The following ABHD12 variants were observed in gnomAD, a reference collection of about 807,000 sequenced individuals.
ABHD12 encodes the protein lysophosphatidylserine lipase ABHD12.
ABHD12 carries 43 observed loss-of-function variants against 58.3 expected under a neutral mutation model. The observed-to-expected ratio is 0.74, with a 90% CI of 0.58 to 0.95. The LOEUF (loss-of-function observed/expected upper bound fraction) is 0.95, where lower values mean the gene tolerates loss of function less well. Among genes scored for constraint, ABHD12 ranks in the 40% least tolerant of loss-of-function variants. ABHD12 has a pLI of 0.00. For missense variants in ABHD12, 539 were observed against 537.2 expected, an observed-to-expected ratio of 1.00 and a Z score of -0.03; for synonymous variants, 219 against 211.2, an observed-to-expected ratio of 1.04 and a Z score of -0.32.
chr20:25,371,401 A>C (rs528307959), intron 1 of ABHD12, among the ~76,000 whole-genome samples: 5 of 152,184 alleles, frequency 3.3e-5, no homozygotes, highest in Non-Finnish European at 7.3e-5. Flanking sequence ...TTTAAAAACC[A>C]AAACACCTGG....
In ABHD12 at chr20:25,390,476, G is replaced by GCCCCCCCCCCCCCCC. The variant is rs773039836; in HGVS notation, c.191+36_191+37insGGGGGGGGGGGGGGG. ...ACGCACCTGCGCAAAGTGAGGGACC[G>GCCCCCCCCCCCCCCC]GCCCCCCCCCCCCCCCCGCTCCGCG... is the stretch of plus-strand genomic sequence containing the variant. On this transcript the variant is annotated intron_variant, in intron 1 of 12. Transcript: ENST00000339157. The GCCCCCCCCCCCCCCC allele has an allele frequency of 5.5e-5, 57 of 1,035,020 alleles. 16 individuals are homozygous for GCCCCCCCCCCCCCCC. The East Asian group carries it at 7.7e-4, about 14-fold the overall frequency. 64.1% of individuals were successfully genotyped at this position (1,035,020 alleles called of 1,614,324 possible). A position where few individuals can be genotyped will look rare whatever the true frequency, so the allele number is the denominator to read the frequency against.
At chr20:25,343,146 C>T (rs1382080899) in intron 1 of ABHD12, among the ~76,000 whole-genome samples, 2 of 152,078 alleles carry the variant, frequency 1.3e-5, no homozygotes, top group East Asian at 3.8e-4. Flanking sequence ...ACAAAACCTG[C>T]CAAAACTCAC....
At position 25,390,476 on chromosome 20, in the gene ABHD12, G is replaced by GCCCCCCCCCCCCCCCCCCCCCCCCCCC. The variant is rs773039836; in HGVS notation, c.191+36_191+37insGGGGGGGGGGGGGGGGGGGGGGGGGGG. 224 of 1,034,900 alleles carry GCCCCCCCCCCCCCCCCCCCCCCCCCCC rather than the reference G, an allele frequency of 2.2e-4. 35 individuals carry two copies. The highest frequency in any genetic ancestry group is 8.9e-4 in the South Asian group (47 of 52,942). The allele number at this position is 1,034,900 out of a possible 1,614,324, so 64.1% of individuals were successfully genotyped here. On this transcript the variant is annotated intron_variant, in intron 1 of 12. Coordinates refer to ENST00000339157, the MANE Select transcript of ABHD12 (RefSeq NM_001042472.3). ...ACGCACCTGCGCAAAGTGAGGGACC[G>GCCCCCCCCCCCCCCCCCCCCCCCCCCC]GCCCCCCCCCCCCCCCCGCTCCGCG...
At chr20:25,296,603 C>T, downstream of ABHD12, 1 of 1,512,052 alleles carries the variant, frequency 6.6e-7, no homozygotes, top group Non-Finnish European at 8.9e-7. Context: ...AACACTTTGC[C>T]AGCCACTGGT....
chr20:25,379,675 T>C (rs906570246), intron 1 of ABHD12, among the ~76,000 whole-genome samples: 2 of 152,184 alleles, frequency 1.3e-5, no homozygotes, highest in African/African-American at 4.8e-5. Flanking sequence ...GATATCATAA[T>C]TATCAATATA....
intron 2 of ABHD12, among the ~76,000 whole-genome samples, chr20:25,323,813 C>A (rs1420657247): frequency 6.6e-6 from 1 of 152,114 alleles, no homozygotes; most frequent in Non-Finnish European, 1.5e-5. Context: ...GATGGGCCAG[C>A]CAGGAGGGAG....
intron 1 of ABHD12, among the ~76,000 whole-genome samples, chr20:25,357,198 G>A (rs2089680446): frequency 6.6e-6 from 1 of 152,058 alleles, no homozygotes; most frequent in Admixed American, 6.5e-5. Context: ...ACTCTCCAGC[G>A]CCTTTCAGTC....
chr20:25,307,875 TTAA>T (rs1429390895), intron 9 of ABHD12, 88 bp downstream of exon 9: 2 of 536,768 alleles, frequency 3.7e-6, no homozygotes, highest in African/African-American at 2.0e-5. Flanking sequence ...ATAACAATTT[TTAA>T]TAATTATTAT....
chr20:25,317,613 A>G (rs1478654252), intron 4 of ABHD12, among the ~76,000 whole-genome samples: 1 of 152,088 alleles, frequency 6.6e-6, no homozygotes, highest in East Asian at 1.9e-4. Context: ...AGCCCTTCAC[A>G]TGTGTGTGCT....
chr20:25,338,098 C>G (rs905662600), intron 2 of ABHD12, among the ~76,000 whole-genome samples: 8 of 152,116 alleles, frequency 5.3e-5, no homozygotes, highest in Admixed American at 5.2e-4. Flanking sequence ...CCAGTCATCT[C>G]CTAAGTTTCT....
At chr20:25,318,971 T>G (rs771516618) in intron 4 of ABHD12, among the ~76,000 whole-genome samples, 5 of 152,192 alleles carry the variant, frequency 3.3e-5, no homozygotes, top group Non-Finnish European at 7.4e-5. Flanking sequence ...CACCTAGGCC[T>G]GCTTTCCCTT....
chr20:25,364,517 A>T (rs984983070), intron 1 of ABHD12, among the ~76,000 whole-genome samples: 1 of 152,140 alleles, frequency 6.6e-6, no homozygotes, highest in Non-Finnish European at 1.5e-5. Context: ...ACTCATTCCC[A>T]TAAGAGTGGA....
chr20:25,332,215 T>A (rs1426464308), intron 2 of ABHD12, among the ~76,000 whole-genome samples: 1 of 151,756 alleles, frequency 6.6e-6, no homozygotes, highest in African/African-American at 2.4e-5. Flanking sequence ...AAGAAGGCCA[T>A]TACTTAATGG....
intron 1 of ABHD12, among the ~76,000 whole-genome samples, chr20:25,359,293 G>A (rs1052084278): frequency 2.0e-5 from 3 of 150,132 alleles, no homozygotes; most frequent in Non-Finnish European, 4.4e-5. Flanking sequence ...GCGTGATGGC[G>A]GGCGCCTGTA....
chr20:25,296,785 C>G (rs1301272490), downstream of ABHD12: 2 of 469,164 alleles, frequency 4.3e-6, no homozygotes, highest in Non-Finnish European at 7.6e-6. Flanking sequence ...TCAGCACCTG[C>G]CCCACCCAGA....
At chr20:25,322,381 A>ATATATATATATATATATT in intron 3 of ABHD12, among the ~76,000 whole-genome samples, 27 of 59,266 alleles carry the variant, frequency 4.6e-4, no homozygotes, top group Admixed American at 1.0e-3. Flanking sequence ...ATATATATAT[A>ATATATATATATATATATT]TTTTTTTTTT....
At chr20:25,366,291 T>G (rs546036394) in intron 1 of ABHD12, among the ~76,000 whole-genome samples, 2 of 152,272 alleles carry the variant, frequency 1.3e-5, no homozygotes, top group Non-Finnish European at 2.9e-5. Context: ...CTTTTTTTTT[T>G]TAAGAAGGAG....
chr20:25,308,249 G>T (rs2088782226), intron 8 of ABHD12, among the ~76,000 whole-genome samples: 1 of 152,238 alleles, frequency 6.6e-6, no homozygotes, highest in Admixed American at 6.5e-5. Context: ...AAGCAGACTT[G>T]CTGATGCGGC....
At chr20:25,374,854 C>T (rs1231402880) in intron 1 of ABHD12, among the ~76,000 whole-genome samples, 3 of 152,160 alleles carry the variant, frequency 2.0e-5, no homozygotes, top group South Asian at 4.1e-4. Flanking sequence ...AGTACTCAGT[C>T]GGTTTTCATT....
Sources: allele counts gnomAD v4.1 joint callset (sites outside exome capture counted in the v4.1 genomes callset), GRCh38; gene constraint gnomAD v4.1.1; transcripts MANE v1.5; gene names NCBI Gene and HGNC (gene_info 2026-07-23, HGNC 2026-07-21).